The following ZNG1E variants were observed in gnomAD, a reference collection of about 807,000 sequenced individuals.
The protein encoded by ZNG1E is zinc-regulated GTPase metalloprotein activator 1E.
At chr9:65,720,973 A>T in the ZNG1E span, among the ~76,000 whole-genome samples, 4 of 10,166 alleles carry the variant, frequency 3.9e-4, no homozygotes, top group South Asian at 0.014. Flanking sequence ...AATTTATGGT[A>T]AAAAAAAAAA....
the ZNG1E span, among the ~76,000 whole-genome samples, chr9:65,723,869 GA>G: frequency 9.3e-6 from 1 of 107,502 alleles, no homozygotes; most frequent in African/African-American, 4.6e-5. Flanking sequence ...AGCATACATG[GA>G]AAAAGGAGTT....
chr9:65,672,271 G>A, the ZNG1E span, among the ~76,000 whole-genome samples: 29 of 151,750 alleles, frequency 1.9e-4, no homozygotes, highest in Non-Finnish European at 3.1e-4. Context: ...TACTATTGTT[G>A]TTGTTGTTGT....
At chr9:65,655,456 T>TTTG in the ZNG1E span, among the ~76,000 whole-genome samples, 4 of 151,622 alleles carry the variant, frequency 2.6e-5, no homozygotes, top group East Asian at 1.9e-4. Flanking sequence ...CTATAAGGGT[T>TTTG]TTGTTGTTGT....
the ZNG1E span, among the ~76,000 whole-genome samples, chr9:65,715,122 C>A: frequency 6.7e-6 from 1 of 149,350 alleles, no homozygotes; most frequent in Non-Finnish European, 1.5e-5. Flanking sequence ...TCAAGCCCGT[C>A]GGAAAAGCGC....
chr9:65,684,468 C>T, the ZNG1E span, among the ~76,000 whole-genome samples: 1,435 of 151,228 alleles, frequency 9.5e-3, no homozygotes, highest in Non-Finnish European at 0.014. Context: ...AGCTGGGAGG[C>T]GGAGGTTGCG....
chr9:65,717,644 A>G, the ZNG1E span, among the ~76,000 whole-genome samples: 1 of 149,478 alleles, frequency 6.7e-6, no homozygotes, highest in Admixed American at 6.6e-5. Context: ...TGTGTTTACA[A>G]GGGGAACAAA....
At chr9:65,714,443 G>C in the ZNG1E span, among the ~76,000 whole-genome samples, 2 of 132,348 alleles carry the variant, frequency 1.5e-5, no homozygotes, top group East Asian at 4.1e-4. Context: ...CGTTCCTTTG[G>C]AGGAGGAGAG....
chr9:65,693,377 A>G, the ZNG1E span: 3 of 1,283,058 alleles, frequency 2.3e-6, no homozygotes, highest in South Asian at 2.5e-5. Flanking sequence ...ACGTTTCTCA[A>G]CTTCCCAGGT....
At chr9:65,660,229 G>A in the ZNG1E span, among the ~76,000 whole-genome samples, 1 of 136,650 alleles carries the variant, frequency 7.3e-6, no homozygotes, top group East Asian at 2.0e-4. Flanking sequence ...GAAATTAAAA[G>A]AATACTGGAT....
the ZNG1E span, among the ~76,000 whole-genome samples, chr9:65,663,759 G>T: frequency 1.3e-5 from 2 of 151,604 alleles, no homozygotes; most frequent in South Asian, 4.2e-4. Flanking sequence ...TACAAAGGTT[G>T]CTAACATATT....
At chr9:65,704,350 T>C in the ZNG1E span, 2 of 71,400 alleles carry the variant, frequency 2.8e-5, no homozygotes, top group Non-Finnish European at 3.4e-5. Context: ...CATGCAGTGA[T>C]TGATTTTTCT....
chr9:65,720,985 A>AC, the ZNG1E span, among the ~76,000 whole-genome samples: 3 of 150,964 alleles, frequency 2.0e-5, no homozygotes, highest in African/African-American at 7.4e-5. Context: ...AAAAAAAAAA[A>AC]AAAACCCAGT....
chr9:65,662,137 GCAA>G, the ZNG1E span, among the ~76,000 whole-genome samples: 2 of 152,358 alleles, frequency 1.3e-5, no homozygotes, highest in African/African-American at 4.8e-5. Context: ...AGAGAAGGAT[GCAA>G]CATCAACTTG....
At chr9:65,659,279 C>T in the ZNG1E span, among the ~76,000 whole-genome samples, 1 of 151,208 alleles carries the variant, frequency 6.6e-6, no homozygotes, top group Non-Finnish European at 1.5e-5. Flanking sequence ...GATGGATCAC[C>T]AGGTCAGGTG....
chr9:65,702,564 C>T, the ZNG1E span, among the ~76,000 whole-genome samples: 4 of 146,916 alleles, frequency 2.7e-5, no homozygotes, highest in Non-Finnish European at 4.5e-5. Flanking sequence ...GTGTATATAG[C>T]CATTTCTACC....
At chr9:65,715,120 G>A in the ZNG1E span, among the ~76,000 whole-genome samples, 13 of 149,594 alleles carry the variant, frequency 8.7e-5, no homozygotes, top group African/African-American at 2.5e-4. Context: ...TTTCAAGCCC[G>A]TCGGAAAAGC....
the ZNG1E span, among the ~76,000 whole-genome samples, chr9:65,660,395 T>C: frequency 2.0e-5 from 3 of 148,548 alleles, no homozygotes; most frequent in Non-Finnish European, 3.0e-5. Context: ...AAATAAAAAG[T>C]TGAGTAGGAA....
At chr9:65,659,526 G>C in the ZNG1E span, among the ~76,000 whole-genome samples, 1 of 148,012 alleles carries the variant, frequency 6.8e-6, no homozygotes, top group Non-Finnish European at 1.5e-5. Flanking sequence ...AGAGAGAAAA[G>C]AATTCCAACC....
chr9:65,687,063 CAA>C, the ZNG1E span, among the ~76,000 whole-genome samples: 1 of 148,860 alleles, frequency 6.7e-6, no homozygotes, highest in Non-Finnish European at 1.5e-5. Flanking sequence ...CTAACTGGCT[CAA>C]GAGACCTAGC....
Sources: allele counts gnomAD v4.1 joint callset (sites outside exome capture counted in the v4.1 genomes callset), GRCh38; gene constraint gnomAD v4.1.1; transcripts MANE v1.5; gene names NCBI Gene and HGNC (gene_info 2026-07-23, HGNC 2026-07-21).